The following REDIC1 variants were observed in gnomAD, a reference collection of about 807,000 sequenced individuals.
The protein encoded by REDIC1 is HEI10 Interacting Protein 1.
At chr12:39,714,775 A>G in the REDIC1 span, among the ~76,000 whole-genome samples, 15 of 151,880 alleles carry the variant, frequency 9.9e-5, no homozygotes, top group Non-Finnish European at 1.2e-4. Flanking sequence ...GTAAGGTGGT[A>G]TCACATTGTG....
chr12:39,870,859 G>A, the REDIC1 span, among the ~76,000 whole-genome samples: 1 of 152,170 alleles, frequency 6.6e-6, no homozygotes. Context: ...TGATAACTGG[G>A]TTTGGAACTT....
chr12:39,746,703 G>A, the REDIC1 span, among the ~76,000 whole-genome samples: 640 of 152,212 alleles, frequency 4.2e-3, 1 homozygote, highest in Middle Eastern at 0.024. Flanking sequence ...CACCTCACAC[G>A]GCTGGGTGCC....
the REDIC1 span, among the ~76,000 whole-genome samples, chr12:39,790,486 T>C: frequency 6.6e-6 from 1 of 151,082 alleles, no homozygotes; most frequent in African/African-American, 2.4e-5. Flanking sequence ...TTTTTGTTCT[T>C]GTGATAGTTT....
the REDIC1 span, among the ~76,000 whole-genome samples, chr12:39,723,439 T>G: frequency 6.6e-6 from 1 of 151,850 alleles, no homozygotes; most frequent in Admixed American, 6.6e-5. Flanking sequence ...GGAAAGTGAG[T>G]ATGGATTTGC....
the REDIC1 span, among the ~76,000 whole-genome samples, chr12:39,827,045 C>T: frequency 3.3e-5 from 5 of 151,228 alleles, no homozygotes; most frequent in South Asian, 2.1e-4. Context: ...TTTGCACCAG[C>T]CTGATACTCT....
the REDIC1 span, among the ~76,000 whole-genome samples, chr12:39,816,476 T>C: frequency 2.0e-5 from 3 of 150,434 alleles, no homozygotes; most frequent in Non-Finnish European, 4.4e-5. Flanking sequence ...ATATACCTAA[T>C]GTAAATGACG....
At chr12:39,770,524 C>T in the REDIC1 span, among the ~76,000 whole-genome samples, 10 of 152,108 alleles carry the variant, frequency 6.6e-5, no homozygotes, top group African/African-American at 2.2e-4. Flanking sequence ...ATTTGTAGAA[C>T]CTTGAGTTTA....
chr12:39,812,347 C>CTTTTCTT, the REDIC1 span, among the ~76,000 whole-genome samples: 1 of 101,220 alleles, frequency 9.9e-6, no homozygotes, highest in South Asian at 3.3e-4. Context: ...TTTTTCTTTT[C>CTTTTCTT]TTTTCTTTTC....
chr12:39,888,315 C>T, the REDIC1 span, among the ~76,000 whole-genome samples: 182 of 152,318 alleles, frequency 1.2e-3, no homozygotes, highest in African/African-American at 4.2e-3. Context: ...ACCTCCGCTT[C>T]CCAGGTTCAA....
the REDIC1 span, among the ~76,000 whole-genome samples, chr12:39,702,559 A>T: frequency 6.6e-6 from 1 of 152,156 alleles, no homozygotes; most frequent in African/African-American, 2.4e-5. Context: ...ATAGGAAAAG[A>T]GGGAATCCTC....
the REDIC1 span, among the ~76,000 whole-genome samples, chr12:39,892,880 C>G: frequency 6.6e-6 from 1 of 151,706 alleles, no homozygotes; most frequent in Non-Finnish European, 1.5e-5. Flanking sequence ...CTCAATAAAG[C>G]AAAATTGTAG....
At chr12:39,638,214 GAATCAGGAGTTAGTGACCCAAGA>G in the REDIC1 span, among the ~76,000 whole-genome samples, 3 of 152,026 alleles carry the variant, frequency 2.0e-5, no homozygotes, top group Non-Finnish European at 2.9e-5. Flanking sequence ...CTTGTACATT[GAATCAGGAGTTAGTGACCCAAGA>G]AAACAGGGAC....
chr12:39,684,457 A>C, the REDIC1 span: 235 of 205,740 alleles, frequency 1.1e-3, no homozygotes, highest in Admixed American at 5.4e-3. Context: ...ATGCAATTTT[A>C]GTGGGATTGG....
At chr12:39,777,730 C>T in the REDIC1 span, among the ~76,000 whole-genome samples, 56 of 152,328 alleles carry the variant, frequency 3.7e-4, no homozygotes, top group African/African-American at 1.3e-3. Flanking sequence ...CAACAGGCAT[C>T]GGCATGCCAG....
the REDIC1 span, among the ~76,000 whole-genome samples, chr12:39,776,578 G>A: frequency 6.6e-6 from 1 of 152,210 alleles, no homozygotes; most frequent in Admixed American, 6.5e-5. Flanking sequence ...GTAGGCAGAG[G>A]CCATACTGCA....
At chr12:39,749,810 C>G in the REDIC1 span, among the ~76,000 whole-genome samples, 3 of 152,146 alleles carry the variant, frequency 2.0e-5, no homozygotes, top group Admixed American at 6.5e-5. Flanking sequence ...GAACCAAAGA[C>G]AAAAACCACA....
At chr12:39,770,478 A>G in the REDIC1 span, among the ~76,000 whole-genome samples, 2 of 152,196 alleles carry the variant, frequency 1.3e-5, no homozygotes, top group Admixed American at 1.3e-4. Flanking sequence ...ATCAGACATT[A>G]GCAATAACAG....
At chr12:39,645,998 G>T in the REDIC1 span, among the ~76,000 whole-genome samples, 1 of 151,942 alleles carries the variant, frequency 6.6e-6, no homozygotes, top group Non-Finnish European at 1.5e-5. Context: ...TGAAAGTACT[G>T]ACCAGAGAAA....
chr12:39,896,617 T>C, the REDIC1 span, among the ~76,000 whole-genome samples: 2 of 151,508 alleles, frequency 1.3e-5, no homozygotes, highest in South Asian at 2.1e-4. Flanking sequence ...TATGTGTTTA[T>C]ATGTAAATTA....
Sources: gnomAD v4.1 joint callset for allele counts (sites outside exome capture counted in the v4.1 genomes callset) on GRCh38, gnomAD v4.1.1 for gene constraint, MANE v1.5 for transcripts, NCBI Gene and HGNC (gene_info 2026-07-23, HGNC 2026-07-21) for gene names.